The following CAST variants were observed in gnomAD, a reference collection of about 807,000 sequenced individuals.
CAST encodes MIR583 host.
CAST carries 76 observed loss-of-function variants against 119.6 expected under a neutral mutation model. That is an observed-to-expected ratio of 0.64 (90% CI 0.53 to 0.77). CAST has a LOEUF of 0.77. Among genes scored for constraint, CAST ranks in the 30% least tolerant of loss-of-function variants. The probability of loss-of-function intolerance (pLI) is 0.00; values close to 1 mark genes in which losing one functional copy is unlikely to be tolerated. For missense variants in CAST, 953 were observed against 946.5 expected, an observed-to-expected ratio of 1.01 and a Z score of -0.09; for synonymous variants, 319 against 331.6, an observed-to-expected ratio of 0.96 and a Z score of 0.41.
the CAST span, chr5:96,318,876 AG>A: frequency 6.6e-6 from 1 of 152,230 alleles, no homozygotes; most frequent in Non-Finnish European, 1.5e-5. Flanking sequence ...ACTTTGTGCC[AG>A]GCCATTTCCT....
chr5:96,667,273 A>T (rs550526950), intron 1 of CAST, among the ~76,000 whole-genome samples: 1 of 152,344 alleles, frequency 6.6e-6, no homozygotes, highest in East Asian at 1.9e-4. Flanking sequence ...AAGCTCAAAG[A>T]TGTTCACAGT....
At chr5:96,059,209 C>G in the CAST span, among the ~76,000 whole-genome samples, 1 of 152,064 alleles carries the variant, frequency 6.6e-6, no homozygotes, top group Non-Finnish European at 1.5e-5. Context: ...AAAACATAAC[C>G]AGGTTACGGA....
chr5:96,651,545 G>A (rs938103258), intron 1 of CAST, among the ~76,000 whole-genome samples: 19 of 152,188 alleles, frequency 1.2e-4, no homozygotes, highest in Admixed American at 1.0e-3. Context: ...TCTCACCTGA[G>A]GTTGGGAAGG....
intron 1 of CAST, among the ~76,000 whole-genome samples, chr5:96,647,763 C>A (rs181124213): frequency 5.5e-4 from 83 of 152,240 alleles, no homozygotes; most frequent in Admixed American, 1.0e-3. Flanking sequence ...ACAGATCCTT[C>A]CCGAGCTCCT....
chr5:96,331,606 C>T, the CAST span, among the ~76,000 whole-genome samples: 1 of 152,180 alleles, frequency 6.6e-6, no homozygotes, highest in Non-Finnish European at 1.5e-5. Context: ...TTTTTATATA[C>T]TCACCAGCAT....
chr5:96,252,885 TG>T, the CAST span, among the ~76,000 whole-genome samples: 1 of 152,138 alleles, frequency 6.6e-6, no homozygotes, highest in Non-Finnish European at 1.5e-5. Flanking sequence ...TAAAATTTAG[TG>T]GTAACAGAAT....
At chr5:96,755,025 C>A in intron 22 of CAST, 1 of 219,734 alleles carries the variant, frequency 4.6e-6, no homozygotes, top group Non-Finnish European at 9.0e-6. Context: ...TATTAAAAAA[C>A]CTTGTGTAGA....
the CAST span, among the ~76,000 whole-genome samples, chr5:96,065,447 A>G: frequency 6.6e-6 from 1 of 151,640 alleles, no homozygotes; most frequent in Non-Finnish European, 1.5e-5. Context: ...ATATGTATAT[A>G]TGTAGAAATT....
At chr5:96,216,034 C>T in the CAST span, among the ~76,000 whole-genome samples, 1 of 152,160 alleles carries the variant, frequency 6.6e-6, no homozygotes, top group African/African-American at 2.4e-5. Flanking sequence ...TCTCGAACTC[C>T]TGGCCTCAAG....
chr5:96,387,782 T>A, the CAST span, among the ~76,000 whole-genome samples: 1 of 152,028 alleles, frequency 6.6e-6, no homozygotes, highest in Non-Finnish European at 1.5e-5. Context: ...GCAAGAAGTG[T>A]TGTAAAATAT....
the CAST span, among the ~76,000 whole-genome samples, chr5:96,154,428 A>G: frequency 1.3e-5 from 2 of 152,244 alleles, no homozygotes; most frequent in African/African-American, 4.8e-5. Context: ...TTGCTAAGAT[A>G]GTACAGAGAG....
chr5:96,551,884 T>C (rs1267909589), intron 1 of CAST, among the ~76,000 whole-genome samples: 1 of 152,140 alleles, frequency 6.6e-6, no homozygotes, highest in African/African-American at 2.4e-5. Context: ...TAAATATATA[T>C]GCACCCAATA....
chr5:96,203,056 G>A, the CAST span, among the ~76,000 whole-genome samples: 1 of 152,014 alleles, frequency 6.6e-6, no homozygotes, highest in East Asian at 1.9e-4. Context: ...GCATCTTTGT[G>A]TGTGTCTTGA....
the CAST span, among the ~76,000 whole-genome samples, chr5:96,331,851 T>C: frequency 1.3e-5 from 2 of 152,196 alleles, no homozygotes; most frequent in African/African-American, 4.8e-5. Flanking sequence ...CTGGTTTTGC[T>C]TTTTCAGCCT....
At position 96,632,114 on chromosome 5, in the gene CAST, G is replaced by C. The variant is rs548338662; in HGVS notation, c.61-43425G>C. 2.4e-4 allele frequency among the ~76,000 whole-genome samples: 37 copies of C among 151,680 alleles called. 1 individual carries two copies. The East Asian group carries it at 6.4e-3, about 26-fold the overall frequency. ...ACTAATTATGTTGATCACCTTTCAT[G>C]TGCTTGTCAGTCATTTGTATAGTAT... is the stretch of plus-strand genomic sequence containing the variant. On this transcript the variant is annotated intron_variant, in intron 1 of 11. Coordinates refer to the CAST transcript ENST00000505143.
chr5:96,091,875 T>G, the CAST span, among the ~76,000 whole-genome samples: 2 of 152,210 alleles, frequency 1.3e-5, no homozygotes, highest in Admixed American at 6.5e-5. Context: ...GTGGGGTTGG[T>G]GTGCTTAGTA....
At chr5:96,772,334 TA>T (rs1326524784) in intron 31 of CAST, 1 of 153,372 alleles carries the variant, frequency 6.5e-6, no homozygotes, top group African/African-American at 2.4e-5. Flanking sequence ...ATGTAAGCCT[TA>T]AAAGCATACA....
chr5:96,385,331 G>A, the CAST span, among the ~76,000 whole-genome samples: 1 of 152,192 alleles, frequency 6.6e-6, no homozygotes, highest in Non-Finnish European at 1.5e-5. Flanking sequence ...CTCTCTAGGT[G>A]TTCCTGGAAG....
the CAST span, among the ~76,000 whole-genome samples, chr5:96,190,700 A>T: frequency 6.6e-6 from 1 of 152,060 alleles, no homozygotes; most frequent in Non-Finnish European, 1.5e-5. Context: ...GTAATCCTTC[A>T]TAGGTTTATT....
Sources: gnomAD v4.1 joint callset for allele counts (sites outside exome capture counted in the v4.1 genomes callset) on GRCh38, gnomAD v4.1.1 for gene constraint, MANE v1.5 for transcripts, NCBI Gene and HGNC (gene_info 2026-07-23, HGNC 2026-07-21) for gene names.